ROR1: variants seen among roughly 807,000 people sequenced by gnomAD.
The protein encoded by ROR1 is ROR family WNT receptor 1.
A neutral mutation model predicts 78.8 loss-of-function variants in ROR1; 19 were observed. The observed-to-expected ratio is 0.24, with a 90% CI of 0.17 to 0.35. The LOEUF (loss-of-function observed/expected upper bound fraction) is 0.35. Ranked by LOEUF, ROR1 falls within the 10% of genes least tolerant of loss-of-function variation. ROR1 has a pLI of 1.00. For missense variants in ROR1, 917 were observed against 1,177.8 expected (o/e 0.78, Z 3.24); for synonymous variants, 386 against 433.6 (o/e 0.89, Z 1.36).
At chr1:64,167,759 A>G (rs1174306069) in intron 8 of ROR1, among the ~76,000 whole-genome samples, 2 of 152,336 alleles carry the variant, frequency 1.3e-5, no homozygotes, top group Middle Eastern at 3.4e-3. Flanking sequence ...GAAGGTTGCC[A>G]TGGACAGGTT....
intron 1 of ROR1, among the ~76,000 whole-genome samples, chr1:63,860,109 A>T (rs1054795577): frequency 6.6e-6 from 1 of 152,190 alleles, no homozygotes; most frequent in Admixed American, 6.5e-5. Context: ...CTGTCCAGAC[A>T]TGTTACGATT....
chr1:63,943,461 G>A (rs1645857639), intron 1 of ROR1, among the ~76,000 whole-genome samples: 1 of 152,200 alleles, frequency 6.6e-6, no homozygotes, highest in Non-Finnish European at 1.5e-5. Context: ...TGCTCTTTAG[G>A]AAGTCCGTAG....
At chr1:64,168,185 A>C (rs1301288608) in intron 8 of ROR1, among the ~76,000 whole-genome samples, 1 of 152,232 alleles carries the variant, frequency 6.6e-6, no homozygotes, top group East Asian at 1.9e-4. Context: ...GGTCATTAGC[A>C]AGGCAGGCTC....
chr1:63,819,950 C>T lies in ROR1; in HGVS notation c.91+45442C>T, dbSNP rs560318785. Among the ~76,000 whole-genome samples, 326 of 152,178 alleles carry T rather than the reference C, an allele frequency of 2.1e-3. 2 individuals are homozygous for T. Among genetic ancestry groups the T allele is most frequent in the Non-Finnish European group, 3.3e-3 (224 of 68,010 alleles). ...TTGAAACCTGAGTAGGATTTGGATG[C>T]GTAAAATGGTCCAGTTCTGAAAGTA... On this transcript the variant is annotated intron_variant, in intron 1 of 8. Coordinates refer to ENST00000371079, the MANE Select transcript of ROR1 (RefSeq NM_005012.4).
chr1:64,001,770 C>T (rs1321434549), intron 1 of ROR1, among the ~76,000 whole-genome samples: 2 of 152,146 alleles, frequency 1.3e-5, no homozygotes, highest in African/African-American at 4.8e-5. Flanking sequence ...TTCGCTCTGG[C>T]CTAGGGCTAC....
rs763975656 is a variant in ROR1, at chr1:64,049,863, T to C, written c.336T>C (p.Tyr112=). 1 of 1,614,234 alleles carries C rather than the reference T, an allele frequency of 6.2e-7. No homozygotes were observed. Among genetic ancestry groups the C allele is most frequent in the Admixed American group, 1.7e-5 (1 of 60,026 alleles). The change falls in exon 3 of 9, where the codon TAT becomes TAC. Residue 112 remains tyrosine (Y), a synonymous_variant. Coordinates refer to ENST00000371079, the MANE Select transcript of ROR1 (RefSeq NM_005012.4). ...GGCTCTCCTTTCGGTCCACCATCTA[T>C]GGCTCTCGGCTGCGGATTAGAAACC... ...PRRLSFRSTI[Y]GSRLRIRNLD...
At chr1:64,060,986 G>T (rs752172110) in intron 4 of ROR1, among the ~76,000 whole-genome samples, 1 of 152,200 alleles carries the variant, frequency 6.6e-6, no homozygotes, top group Non-Finnish European at 1.5e-5. Flanking sequence ...TACATTTAAA[G>T]GGAGAAGGGT....
chr1:63,812,814 C>T (rs1644868484), intron 1 of ROR1, among the ~76,000 whole-genome samples: 1 of 152,176 alleles, frequency 6.6e-6, no homozygotes, highest in Admixed American at 6.5e-5. Flanking sequence ...CCGCCACCCA[C>T]TGTGAGGGAG....
intron 1 of ROR1, among the ~76,000 whole-genome samples, chr1:63,882,118 A>G (rs975212900): frequency 1.3e-5 from 2 of 152,144 alleles, no homozygotes; most frequent in African/African-American, 4.8e-5. Context: ...GAAAATTAGT[A>G]GGAGATCCCC....
chr1:64,158,752 TC>T (rs1307917790), intron 7 of ROR1, among the ~76,000 whole-genome samples: 1 of 152,218 alleles, frequency 6.6e-6, no homozygotes, highest in Non-Finnish European at 1.5e-5. Context: ...CTTCATAATG[TC>T]CCTCTGCAGT....
At chr1:64,084,865 G>C (rs111571242) in intron 4 of ROR1, among the ~76,000 whole-genome samples, 23 of 152,182 alleles carry the variant, frequency 1.5e-4, no homozygotes, top group African/African-American at 3.9e-4. Context: ...GCAGGTGTGT[G>C]CTAGCTGTTG....
At position 64,094,274 on chromosome 1, in the gene ROR1, T is replaced by A. The variant is rs115484057; in HGVS notation, c.483-43095T>A. On this transcript the variant is annotated intron_variant, in intron 4 of 8. Coordinates refer to ENST00000371079, the MANE Select transcript of ROR1 (RefSeq NM_005012.4). ...TGGGAATCATTCTCTGTCATTCCTCTACCCTATCTCATCCAGAAACTGGGG... is the reference window on the plus strand; with the variant it reads ...TGGGAATCATTCTCTGTCATTCCTCAACCCTATCTCATCCAGAAACTGGGG... Among the ~76,000 whole-genome samples, 360 of 152,314 alleles carry A rather than the reference T, an allele frequency of 2.4e-3. 1 individual carries two copies. The highest frequency in any genetic ancestry group is 8.5e-3 in the African/African-American group (352 of 41,578).
rs1289248630 is a variant in ROR1, at chr1:64,164,088, C to T, written c.1386+4896C>T. 3.9e-5 allele frequency among the ~76,000 whole-genome samples: 6 copies of T among 152,166 alleles called. No individual in the cohort carries two copies. The South Asian group carries it at 1.2e-3, about 32-fold the overall frequency. On this transcript the variant is annotated intron_variant, in intron 8 of 8. Coordinates refer to ENST00000371079, the MANE Select transcript of ROR1 (RefSeq NM_005012.4). ...TCCTATCTGCTTCCCACACTTCCTT[C>T]ACTAGTTCTTTTAATTCCCTTAATG...
intron 1 of ROR1, among the ~76,000 whole-genome samples, chr1:63,786,256 AT>A (rs34933492): frequency 3.5e-3 from 236 of 67,480 alleles, no homozygotes; most frequent in Non-Finnish European, 5.2e-3. Context: ...CTACAACTTG[AT>A]TTTTTTTTTT....
At chr1:64,114,110 G>A (rs754879988) in intron 4 of ROR1, among the ~76,000 whole-genome samples, 1 of 152,020 alleles carries the variant, frequency 6.6e-6, no homozygotes, top group Non-Finnish European at 1.5e-5. Flanking sequence ...TGAACTTGGG[G>A]CCAAGATGAG....
intron 1 of ROR1, among the ~76,000 whole-genome samples, chr1:63,847,728 A>C (rs1036105097): frequency 2.0e-5 from 3 of 152,236 alleles, no homozygotes; most frequent in Admixed American, 6.5e-5. Context: ...CTGCCATATT[A>C]AAATACAGCT....
rs375033550 is a variant in ROR1 at position 63,995,866 on chromosome 1, C to T, written c.92-13439C>T. Among the ~76,000 whole-genome samples, 7 of 152,216 alleles carry T rather than the reference C, an allele frequency of 4.6e-5. No individual in the cohort carries two copies. The South Asian group carries it at 8.3e-4, about 18-fold the overall frequency. Reference sequence around the variant, plus strand: ...GATCTGGACTGAGCCAAGGTGATCTCGGCACATGCTATTAGCCAAAGCAAG... The same window carrying T: ...GATCTGGACTGAGCCAAGGTGATCTTGGCACATGCTATTAGCCAAAGCAAG... On this transcript the variant is annotated intron_variant, in intron 1 of 8. Coordinates refer to ENST00000371079, the MANE Select transcript of ROR1 (RefSeq NM_005012.4).
At chr1:64,145,272 G>C (rs1002195368) in intron 7 of ROR1, among the ~76,000 whole-genome samples, 3 of 152,058 alleles carry the variant, frequency 2.0e-5, no homozygotes, top group Non-Finnish European at 2.9e-5. Context: ...ATAGAAGTTA[G>C]CACAAATGTT....
At chr1:63,860,602 C>CACACACACACACAT (rs1249309148) in intron 1 of ROR1, among the ~76,000 whole-genome samples, 26 of 148,874 alleles carry the variant, frequency 1.7e-4, no homozygotes, top group African/African-American at 6.6e-4. Context: ...CACACACACA[C>CACACACACACACAT]ACATACACAC....
Sources: allele counts gnomAD v4.1 joint callset (sites outside exome capture counted in the v4.1 genomes callset), GRCh38; gene constraint gnomAD v4.1.1; transcripts MANE v1.5; gene names NCBI Gene and HGNC (gene_info 2026-07-23, HGNC 2026-07-21).